Variants in C4BPA observed in about 807,000 individuals in gnomAD.
C4BPA encodes complement component 4 binding protein alpha.
Under a neutral mutation model 63.7 loss-of-function variants are expected in C4BPA, and 31 were observed. That is an observed-to-expected ratio of 0.49 (90% CI 0.37 to 0.66). The LOEUF (loss-of-function observed/expected upper bound fraction) is 0.66. Among genes scored for constraint, C4BPA ranks in the 30% least tolerant of loss-of-function variants. The pLI is 0.00. For missense variants in C4BPA, 572 were observed against 723.3 expected (o/e 0.79, Z 2.40); for synonymous variants, 259 against 254.7 (o/e 1.02, Z -0.16).
chr1:207,108,816 G>A (rs1414640985), intron 1 of C4BPA, among the ~76,000 whole-genome samples: 4 of 151,922 alleles, frequency 2.6e-5, no homozygotes, highest in Non-Finnish European at 5.9e-5. Context: ...TTTGCCTCCC[G>A]GGTTCAAGCG....
chr1:207,144,656 T>C lies in C4BPA; in HGVS notation c.1733T>C (p.Ile578Thr), dbSNP rs770445743. The change falls in exon 12 of 12, where the codon ATT becomes ACT. Residue 578 changes from isoleucine (I) to threonine (T), a missense_variant. Ile to Thr is a moderately conservative substitution (Grantham distance 89, BLOSUM62 -1). This residue lies in a region of C4BPA where 465 missense variants were observed against 629.4 expected (regional missense o/e 0.74). Transcript: ENST00000367070. Reference protein sequence around the residue: ...ALEVYKLSLEIEQLELQRDSA... With the variant: ...ALEVYKLSLETEQLELQRDSA... Reference sequence around the variant, plus strand: ...GAGGTATATAAGCTGTCTCTGGAAATTGAACAACTGGAACTACAGAGAGAC... The same window carrying C: ...GAGGTATATAAGCTGTCTCTGGAAACTGAACAACTGGAACTACAGAGAGAC... 11 of 1,613,512 alleles carry C rather than the reference T, an allele frequency of 6.8e-6. No individual in the cohort carries two copies. Among genetic ancestry groups the C allele is most frequent in the Admixed American group, 3.3e-5 (2 of 59,970 alleles).
chr1:207,120,529 T>C (rs1684901471), intron 4 of C4BPA, among the ~76,000 whole-genome samples: 1 of 152,048 alleles, frequency 6.6e-6, no homozygotes. Context: ...CTTTGAGAGG[T>C]TGAGGTGGGA....
Position 207,144,603 on chromosome 1 carries a change from A to G in C4BPA, c.1680A>G (p.Pro560=). 1 of 1,613,490 alleles carries G rather than the reference A, an allele frequency of 6.2e-7. No homozygotes were observed. The highest frequency in any genetic ancestry group is 8.5e-7 in the Non-Finnish European group (1 of 1,179,804). The change falls in exon 12 of 12, where the codon CCA becomes CCG. Residue 560 remains proline, a synonymous_variant. Transcript: ENST00000367070. ...GCAAAAGACTCATGCAGTGTCTCCC[A>G]AACCCAGAGGATGTGAAAATGGCCC... ...LTGKRLMQCL[P]NPEDVKMALE... is the part of the protein sequence containing the mutation.
Position 207,114,263 on chromosome 1 carries a change from G to T in C4BPA, c.306G>T (p.Trp102Cys). 1.9e-6 allele frequency: 3 copies of T among 1,612,138 alleles called. No individual in the cohort carries two copies. Among genetic ancestry groups the T allele is most frequent in the South Asian group, 1.1e-5 (1 of 90,924 alleles). Residue 102 changes from tryptophan to cysteine, a missense_variant, in exon 3 of 12, where the codon TGG becomes TGT. Physicochemically the swap from Trp to Cys is radical, Grantham distance 215. This residue lies in a region of C4BPA where 465 missense variants were observed against 629.4 expected (regional missense o/e 0.74). Coordinates refer to ENST00000367070, the MANE Select transcript of C4BPA (RefSeq NM_000715.4). Reference sequence around the variant, plus strand: ...TTACCTGTAATTCTGATGGCGAATGGGTGTATAACACCTTCTGTATCTGTA... The same window carrying T: ...TTACCTGTAATTCTGATGGCGAATGTGTGTATAACACCTTCTGTATCTGTA... Reference protein sequence around the residue: ...QTLTCNSDGEWVYNTFCIYKR... With the variant: ...QTLTCNSDGECVYNTFCIYKR...
intron 4 of C4BPA, among the ~76,000 whole-genome samples, chr1:207,121,507 A>T (rs1684921704): frequency 6.6e-6 from 1 of 151,998 alleles, no homozygotes; most frequent in African/African-American, 2.4e-5. Flanking sequence ...TGTCTGAAAC[A>T]CTTTTAGGTT....
intron 1 of C4BPA, among the ~76,000 whole-genome samples, chr1:207,111,491 C>T (rs1419547408): frequency 1.3e-5 from 2 of 152,180 alleles, no homozygotes; most frequent in African/African-American, 4.8e-5. Context: ...TTCATCAGAA[C>T]TAAGTTTTAG....
At chr1:207,139,998 C>T (rs1022095620) in intron 9 of C4BPA, among the ~76,000 whole-genome samples, 3 of 152,178 alleles carry the variant, frequency 2.0e-5, no homozygotes, top group African/African-American at 7.2e-5. Flanking sequence ...GGCTGCTCAT[C>T]TGTTTTCACC....
Position 207,130,132 on chromosome 1 carries a change from T to C in C4BPA, c.890-1414T>C, listed in dbSNP as rs75202466. 9.5e-3 allele frequency among the ~76,000 whole-genome samples: 1,440 copies of C among 152,352 alleles called. 9 individuals are homozygous for C. Among genetic ancestry groups the C allele is most frequent in the Non-Finnish European group, 0.015 (1,037 of 68,024 alleles). Reference sequence around the variant, plus strand: ...TTCAAATTACTGACATAATGACCTCTGCTGATGCTCATTGTTTTACTGTGT... The same window carrying C: ...TTCAAATTACTGACATAATGACCTCCGCTGATGCTCATTGTTTTACTGTGT... On this transcript the variant is annotated intron_variant, in intron 7 of 11. Transcript: ENST00000367070.
At chr1:207,116,225 T>C (rs1028501754) in intron 4 of C4BPA, among the ~76,000 whole-genome samples, 7 of 152,212 alleles carry the variant, frequency 4.6e-5, no homozygotes, top group African/African-American at 1.7e-4. Context: ...TTTTTCCCAA[T>C]GTAAGAGGTG....
At chr1:207,134,678 A>G (rs142598442) in intron 9 of C4BPA, 86 bp downstream of exon 9, 1 of 913,952 alleles carries the variant, frequency 1.1e-6, no homozygotes, top group Non-Finnish European at 1.7e-6. Flanking sequence ...AAAATTAGGT[A>G]AAAAAATTCA....
chr1:207,106,450 T>TGTTTTTTTC (rs200997539), intron 1 of C4BPA, among the ~76,000 whole-genome samples: 1 of 133,884 alleles, frequency 7.5e-6, no homozygotes, highest in Non-Finnish European at 1.6e-5. Flanking sequence ...AGTTTTTTTT[T>TGTTTTTTTC]TTTTTTTGAA....
chr1:207,119,017 G>GGAATTCATTCCAGTTTACA (rs1251641887), intron 4 of C4BPA, among the ~76,000 whole-genome samples: 15 of 115,472 alleles, frequency 1.3e-4, no homozygotes, highest in Admixed American at 3.7e-4. Flanking sequence ...GACATGAACT[G>GGAATTCATTCCAGTTTACA]AGTGCTTCAA....
chr1:207,111,655 GCT>G (rs1268557196), intron 1 of C4BPA, among the ~76,000 whole-genome samples: 11 of 152,154 alleles, frequency 7.2e-5, no homozygotes, highest in Non-Finnish European at 1.3e-4. Flanking sequence ...ACTGAGACCA[GCT>G]TTATGTTGAG....
chr1:207,115,324 C>G (rs1167798695), intron 3 of C4BPA, 92 bp from the exon 4 acceptor site: 16 of 661,800 alleles, frequency 2.4e-5, no homozygotes, highest in Non-Finnish European at 4.2e-5. Flanking sequence ...TTTCTGGAAG[C>G]AGAGGTGAAC....
intron 9 of C4BPA, among the ~76,000 whole-genome samples, chr1:207,139,183 G>A (rs913837404): frequency 8.5e-5 from 13 of 152,198 alleles, no homozygotes; most frequent in African/African-American, 2.9e-4. Flanking sequence ...CAGTGACCTC[G>A]TTTACTTGAA....
Position 207,113,156 on chromosome 1 carries a change from CTGCTGTTCTTGG to C in C4BPA, c.134_142+3del. 1 of 1,610,392 alleles carries C rather than the reference CTGCTGTTCTTGG, an allele frequency of 6.2e-7. No homozygotes were observed. Among genetic ancestry groups the C allele is most frequent in the Non-Finnish European group, 8.5e-7 (1 of 1,178,692 alleles). On this transcript the variant is annotated splice_donor_variant and coding_sequence_variant, in exon 2 of 12. Coordinates refer to ENST00000367070, the MANE Select transcript of C4BPA (RefSeq NM_000715.4). LOFTEE classifies it high-confidence loss of function. ...ATGACCTTGATCGCTGCTCTGTTGC[CTGCTGTTCTTGG>C]TGAGTAGTGGGAAACAAGCTCAAAT...
At chr1:207,122,493 G>T (rs1297689274) in intron 4 of C4BPA, among the ~76,000 whole-genome samples, 1 of 151,982 alleles carries the variant, frequency 6.6e-6, no homozygotes. Flanking sequence ...GAAATCACTT[G>T]GTTTAATTTT....
Position 207,126,815 on chromosome 1 carries a change from G to T in C4BPA, c.809G>T (p.Gly270Val), listed in dbSNP as rs573344831. 1 of 1,613,212 alleles carries T rather than the reference G, an allele frequency of 6.2e-7. No homozygotes were observed. Among genetic ancestry groups the T allele is most frequent in the Non-Finnish European group, 8.5e-7 (1 of 1,179,574 alleles). The change falls in exon 7 of 12, where the codon GGT becomes GTT. Residue 270 changes from glycine (G) to valine (V), a missense_variant. Gly to Val is a moderately radical substitution (Grantham distance 109). Transcript: ENST00000367070. ...KDTIVFKCQKGFVLRGSSVIH... is the reference protein window; with the variant it reads ...KDTIVFKCQKVFVLRGSSVIH... The stretch of plus-strand genomic sequence containing the variant: ...ACTATTGTGTTTAAGTGCCAAAAAG[G>T]TTTTGTTCTCAGAGGCAGCAGTGTA...
At chr1:207,132,408 C>T (rs572736997) in intron 8 of C4BPA, among the ~76,000 whole-genome samples, 39 of 152,310 alleles carry the variant, frequency 2.6e-4, no homozygotes, top group African/African-American at 8.9e-4. Context: ...TTCTTCTATC[C>T]ATCTATCAGA....
Sources: gnomAD v4.1 joint callset for allele counts (sites outside exome capture counted in the v4.1 genomes callset) on GRCh38, gnomAD v4.1.1 for gene constraint, gnomAD v4.1.1 regional missense constraint, MANE v1.5 for transcripts, NCBI Gene and HGNC (gene_info 2026-07-23, HGNC 2026-07-21) for gene names.